The following ABLIM1 variants were observed in gnomAD, a reference collection of about 807,000 sequenced individuals.
The protein encoded by ABLIM1 is actin-binding LIM protein 1.
ABLIM1 carries 40 observed loss-of-function variants against 107.0 expected under a neutral mutation model. That is an observed-to-expected ratio of 0.37 (90% CI 0.29 to 0.49). The LOEUF is 0.49. Ranked by LOEUF, ABLIM1 falls within the 20% of genes least tolerant of loss-of-function variation. The probability of loss-of-function intolerance (pLI) is 0.97; values close to 1 mark genes in which losing one functional copy is unlikely to be tolerated. For synonymous variants in ABLIM1, 357 were observed against 357.3 expected, an observed-to-expected ratio of 1.00 and a Z score of 0.01; for missense variants, 857 against 1,008.5, an observed-to-expected ratio of 0.85 and a Z score of 2.04.
chr10:114,529,519 A>G (rs972856554), intron 6 of ABLIM1, among the ~76,000 whole-genome samples: 21 of 152,130 alleles, frequency 1.4e-4, no homozygotes, highest in African/African-American at 5.1e-4. Flanking sequence ...GATGGGGTCA[A>G]AGAGGATGGG....
chr10:114,657,963 G>T lies in ABLIM1; in HGVS notation c.238C>A (p.Pro80Thr). Reference sequence around the variant, plus strand: ...AGAGGGTTATTTTACTTACCAAAAGGATCAACGCTGTTACATACACGCCCA... The same window carrying T: ...AGAGGGTTATTTTACTTACCAAAAGTATCAACGCTGTTACATACACGCCCA... Reference protein sequence around the residue: ...PRGRVCNSVDPFVAHPQDPHH... With the variant: ...PRGRVCNSVDTFVAHPQDPHH... The change falls in exon 1 of 23, where the codon CCT becomes ACT. Residue 80 changes from proline (P) to threonine (T), a missense_variant. By Grantham distance (38) the Pro-to-Thr change is conservative (BLOSUM62 -1). Transcript: ENST00000533213. 1.2e-6 allele frequency: 2 copies of T among 1,610,998 alleles called. No homozygotes were observed. The highest frequency in any genetic ancestry group is 2.2e-5 in the South Asian group (2 of 90,844).
At chr10:114,732,690 T>C (rs185028373) in intron 1 of ABLIM1, among the ~76,000 whole-genome samples, 8 of 152,342 alleles carry the variant, frequency 5.3e-5, no homozygotes, top group Admixed American at 3.3e-4. Context: ...CTTTTAGTTA[T>C]GCTACCATGG....
chr10:114,466,876 G>A (rs1590014056), intron 11 of ABLIM1, among the ~76,000 whole-genome samples: 3 of 152,086 alleles, frequency 2.0e-5, no homozygotes, highest in Admixed American at 6.6e-5. Context: ...TATGACATAC[G>A]GGCCAGGCAC....
At chr10:114,496,947 A>G (rs1277041309) in intron 6 of ABLIM1, among the ~76,000 whole-genome samples, 1 of 152,224 alleles carries the variant, frequency 6.6e-6, no homozygotes, top group Non-Finnish European at 1.5e-5. Context: ...ATGATGGTTC[A>G]CAGAGAAGCC....
chr10:114,516,392 T>C (rs149686450), intron 6 of ABLIM1, among the ~76,000 whole-genome samples: 14 of 152,102 alleles, frequency 9.2e-5, no homozygotes, highest in African/African-American at 3.4e-4. Context: ...ACCATGGTAG[T>C]GTGTGGCTGT....
rs191538325 is a variant in ABLIM1 at position 114,517,615 on chromosome 10, G to T, written c.895-25737C>A. On this transcript the variant is annotated intron_variant, in intron 6 of 22. Coordinates refer to ENST00000533213, the MANE Select transcript of ABLIM1 (RefSeq NM_002313.7). ...GACAGCGCATACTTTAAAGGGCGGG[G>T]AGGGGGGCCACAGTACAATGTGGGT... Among the ~76,000 whole-genome samples the T allele has an allele frequency of 2.6e-4, 39 of 151,736 alleles. No homozygotes were observed. In the East Asian group the frequency reaches 7.1e-3, roughly 28 times the overall value.
chr10:114,609,364 A>G (rs1202201804), intron 1 of ABLIM1, among the ~76,000 whole-genome samples: 4 of 152,182 alleles, frequency 2.6e-5, no homozygotes, highest in African/African-American at 9.7e-5. Flanking sequence ...TCTAAATCAA[A>G]CTTGACCCAT....
intron 12 of ABLIM1, among the ~76,000 whole-genome samples, chr10:114,456,840 T>C (rs774948273): frequency 2.2e-4 from 33 of 152,112 alleles, no homozygotes; most frequent in Middle Eastern, 6.8e-3. Flanking sequence ...TCCCAAGGAC[T>C]GGATTCTGGC....
At chr10:114,450,140 C>T (rs925969687) in intron 14 of ABLIM1, 4 of 374,996 alleles carry the variant, frequency 1.1e-5, no homozygotes, top group Admixed American at 3.6e-5. Context: ...ACAGTACTTA[C>T]GCATTAGAAT....
intron 6 of ABLIM1, among the ~76,000 whole-genome samples, chr10:114,536,222 T>C (rs1289540068): frequency 1.2e-4 from 15 of 126,748 alleles, no homozygotes; most frequent in Non-Finnish European, 1.8e-4. Context: ...TTTCCTTCTT[T>C]CTTTGTTTTT....
At chr10:114,486,589 A>C (rs1243865271) in intron 8 of ABLIM1, among the ~76,000 whole-genome samples, 3 of 152,214 alleles carry the variant, frequency 2.0e-5, no homozygotes, top group Admixed American at 6.5e-5. Flanking sequence ...GTGTGTGACT[A>C]TCCGGCTGAT....
upstream of ABLIM1, among the ~76,000 whole-genome samples, chr10:114,770,555 A>G (rs574918289): frequency 2.0e-5 from 3 of 152,290 alleles, no homozygotes; most frequent in South Asian, 6.2e-4. Context: ...ACATCTTATG[A>G]AAGGTTCTCC....
intron 8 of ABLIM1, among the ~76,000 whole-genome samples, chr10:114,481,050 G>C (rs141113359): frequency 1.3e-3 from 205 of 152,166 alleles, no homozygotes; most frequent in African/African-American, 4.7e-3. Context: ...TTGTCCATCT[G>C]TCCTACCATT....
At chr10:114,611,019 G>A (rs2076771876) in intron 1 of ABLIM1, among the ~76,000 whole-genome samples, 1 of 151,952 alleles carries the variant, frequency 6.6e-6, no homozygotes, top group African/African-American at 2.4e-5. Flanking sequence ...CAGGTGTGGT[G>A]GCACACACCT....
chr10:114,796,324 T>G, the ABLIM1 span, among the ~76,000 whole-genome samples: 1 of 152,176 alleles, frequency 6.6e-6, no homozygotes, highest in Non-Finnish European at 1.5e-5. Flanking sequence ...TGCTGTCATC[T>G]GAAGGCTTGA....
chr10:114,486,377 G>A (rs908387492), intron 8 of ABLIM1, among the ~76,000 whole-genome samples: 1 of 152,182 alleles, frequency 6.6e-6, no homozygotes, highest in Non-Finnish European at 1.5e-5. Flanking sequence ...ACTGGAGAGA[G>A]AGTACAAACT....
chr10:114,624,131 T>C (rs1358441523), intron 1 of ABLIM1, among the ~76,000 whole-genome samples: 1 of 152,246 alleles, frequency 6.6e-6, no homozygotes, highest in Non-Finnish European at 1.5e-5. Context: ...TGGTTTTTAC[T>C]GTGGTGCACC....
intron 1 of ABLIM1, among the ~76,000 whole-genome samples, chr10:114,764,019 A>G (rs954113451): frequency 1.3e-5 from 2 of 152,162 alleles, no homozygotes; most frequent in Admixed American, 1.3e-4. Flanking sequence ...GTGTTTAGAA[A>G]CCATTAGATC....
At chr10:114,598,973 T>C (rs1216030050) in intron 2 of ABLIM1, among the ~76,000 whole-genome samples, 2 of 152,194 alleles carry the variant, frequency 1.3e-5, no homozygotes, top group East Asian at 1.9e-4. Context: ...CCCACAGTTA[T>C]AGCAGTGATG....
Sources: gnomAD v4.1 joint callset for allele counts (sites outside exome capture counted in the v4.1 genomes callset) on GRCh38, gnomAD v4.1.1 for gene constraint, MANE v1.5 for transcripts, NCBI Gene and HGNC (gene_info 2026-07-23, HGNC 2026-07-21) for gene names.